LRP1B: variants seen among roughly 807,000 people sequenced by gnomAD.
LRP1B encodes low-density lipoprotein receptor-related protein 1B.
A neutral mutation model predicts 556.6 loss-of-function variants in LRP1B; 217 were observed. The observed-to-expected ratio is 0.39, with a 90% CI of 0.35 to 0.44. LRP1B has a LOEUF of 0.44. Ranked by LOEUF, LRP1B falls within the 20% of genes least tolerant of loss-of-function variation. The pLI is 1.00. For missense variants in LRP1B, 5,053 were observed against 5,620.8 expected, an observed-to-expected ratio of 0.90 and a Z score of 3.23; for synonymous variants, 2,047 against 1,865.8, an observed-to-expected ratio of 1.10 and a Z score of -2.50.
At chr2:140,484,762 C>A (rs1354158283) in intron 59 of LRP1B, among the ~76,000 whole-genome samples, 1 of 152,180 alleles carries the variant, frequency 6.6e-6, no homozygotes, top group Non-Finnish European at 1.5e-5. Flanking sequence ...CATTTGAAAT[C>A]TCCAGCCTGT....
Position 140,524,209 on chromosome 2 carries a change from C to A in LRP1B, c.8026+1635G>T, listed in dbSNP as rs141937286. ...CAAAAGAAGACATAAAAGTGGCCAA[C>A]AAACACATAAAAAAGTGCTCAATAT... On this transcript the variant is annotated intron_variant, in intron 49 of 90. Coordinates refer to ENST00000389484, the MANE Select transcript of LRP1B (RefSeq NM_018557.3). Among the ~76,000 whole-genome samples the A allele has an allele frequency of 1.7e-3, 264 of 151,916 alleles. 3 individuals carry two copies. The highest frequency in any genetic ancestry group is 3.9e-3 in the Admixed American group (59 of 15,212).
chr2:140,488,793 A>G lies in LRP1B; in HGVS notation c.9121-1054T>C, dbSNP rs539211142. 1.1e-4 allele frequency among the ~76,000 whole-genome samples: 17 copies of G among 152,104 alleles called. 1 individual carries two copies. The South Asian group carries it at 3.5e-3, about 32-fold the overall frequency. On this transcript the variant is annotated intron_variant, in intron 57 of 90. Transcript: ENST00000389484. ...CAATATTCACCGTAAAGTTGATGCT[A>G]TGTCTCAAATTGTTTTAGAGGGAAA...
intron 60 of LRP1B, among the ~76,000 whole-genome samples, chr2:140,465,741 A>T (rs555683479): frequency 2.2e-4 from 34 of 152,176 alleles, no homozygotes; most frequent in African/African-American, 7.7e-4. Flanking sequence ...AAAAGAAAAA[A>T]ACTCCCTAAA....
At chr2:140,352,641 G>C (rs1682024697) in intron 76 of LRP1B, among the ~76,000 whole-genome samples, 1 of 151,850 alleles carries the variant, frequency 6.6e-6, no homozygotes, top group South Asian at 2.1e-4. Flanking sequence ...TATTCCCTTA[G>C]AGCAGACCAT....
intron 2 of LRP1B, among the ~76,000 whole-genome samples, chr2:141,539,392 A>G (rs571316750): frequency 3.9e-5 from 6 of 152,094 alleles, no homozygotes; most frequent in Non-Finnish European, 7.4e-5. Flanking sequence ...TCCCACCACT[A>G]CTTTTGCTAT....
chr2:141,120,218 G>A (rs920212908), intron 7 of LRP1B, among the ~76,000 whole-genome samples: 7 of 151,814 alleles, frequency 4.6e-5, no homozygotes, highest in Admixed American at 4.6e-4. Context: ...TGAAATACTT[G>A]CTCTTTGTAA....
At chr2:140,865,377 A>AT (rs1692916992) in intron 27 of LRP1B, among the ~76,000 whole-genome samples, 4 of 151,866 alleles carry the variant, frequency 2.6e-5, no homozygotes, top group African/African-American at 4.8e-5. Flanking sequence ...TAAATTTATT[A>AT]TTTGTTTCAT....
At chr2:140,411,060 T>C (rs992430074) in intron 66 of LRP1B, among the ~76,000 whole-genome samples, 1 of 152,198 alleles carries the variant, frequency 6.6e-6, no homozygotes, top group African/African-American at 2.4e-5. Flanking sequence ...TATTTATTTC[T>C]TCTTTTTCAA....
At chr2:141,865,000 A>C (rs1698360752) in intron 1 of LRP1B, among the ~76,000 whole-genome samples, 1 of 152,214 alleles carries the variant, frequency 6.6e-6, no homozygotes, top group Admixed American at 6.5e-5. Flanking sequence ...CAGTGTTTAT[A>C]GGTCACTTTC....
Position 141,818,321 on chromosome 2 carries a change from C to T in LRP1B, c.83-7920G>A, listed in dbSNP as rs542122106. Among the ~76,000 whole-genome samples the T allele has an allele frequency of 6.6e-5, 10 of 152,178 alleles. No homozygotes were observed. The South Asian group carries it at 2.1e-3, about 32-fold the overall frequency. On this transcript the variant is annotated intron_variant, in intron 1 of 90. Coordinates refer to ENST00000389484, the MANE Select transcript of LRP1B (RefSeq NM_018557.3). ...ATAAAATATCAAGAAGTACCTTAATCCCCTTCCTTTACATTCACCTGCCTC... is the reference window on the plus strand; with the variant it reads ...ATAAAATATCAAGAAGTACCTTAATTCCCTTCCTTTACATTCACCTGCCTC...
At chr2:140,257,106 T>C (rs1410646187) in intron 86 of LRP1B, among the ~76,000 whole-genome samples, 1 of 152,116 alleles carries the variant, frequency 6.6e-6, no homozygotes, top group East Asian at 1.9e-4. Flanking sequence ...CTGGTAAGCA[T>C]ATGAGTCTAA....
intron 2 of LRP1B, among the ~76,000 whole-genome samples, chr2:141,511,221 A>G (rs940548234): frequency 3.9e-5 from 6 of 152,158 alleles, no homozygotes; most frequent in Admixed American, 3.3e-4. Context: ...TATAATTTAT[A>G]TGTCTCTAAT....
intron 31 of LRP1B, among the ~76,000 whole-genome samples, chr2:140,816,931 G>T (rs897264261): frequency 3.9e-5 from 6 of 152,066 alleles, no homozygotes; most frequent in African/African-American, 1.4e-4. Flanking sequence ...TATACATGAT[G>T]CTGGAATAAT....
rs559147422 is a variant in LRP1B, at chr2:140,410,550, C to CA, written c.10415-24542dup. 2.6e-4 allele frequency among the ~76,000 whole-genome samples: 39 copies of CA among 151,710 alleles called. No individual in the cohort carries two copies. In the East Asian group the frequency reaches 7.4e-3, roughly 29 times the overall value. ...GAGACAGCACGCTATGAAAGAAGTC[C>CA]AAAAAAACACTATGCTTGAGCTGAA... On this transcript the variant is annotated intron_variant, in intron 66 of 90. Transcript: ENST00000389484.
rs182354260 is a variant in LRP1B, at chr2:140,314,706, C to G, written c.12805+229G>C. ...GGGCAAATTATCTATAAACACTGAG[C>G]CTGTCACATGGTACATACTCAACCC... On this transcript the variant is annotated intron_variant, in intron 83 of 90. Coordinates refer to ENST00000389484, the MANE Select transcript of LRP1B (RefSeq NM_018557.3). Among the ~76,000 whole-genome samples the G allele has an allele frequency of 1.6e-4, 25 of 152,134 alleles. 1 individual carries two copies. Among genetic ancestry groups the G allele is most frequent in the African/African-American group, 6.0e-4 (25 of 41,538 alleles).
At chr2:141,318,544 T>G (rs1362482983) in intron 3 of LRP1B, among the ~76,000 whole-genome samples, 1 of 152,120 alleles carries the variant, frequency 6.6e-6, no homozygotes, top group Admixed American at 6.6e-5. Context: ...TTCAGTTATC[T>G]CTCATGTGTC....
At chr2:140,308,175 C>T (rs1043086671) in intron 83 of LRP1B, among the ~76,000 whole-genome samples, 1 of 151,774 alleles carries the variant, frequency 6.6e-6, no homozygotes, top group Non-Finnish European at 1.5e-5. Flanking sequence ...CAATAACTTA[C>T]TGCAAACCTG....
chr2:140,830,942 C>A (rs1691692843), intron 31 of LRP1B, among the ~76,000 whole-genome samples: 1 of 151,928 alleles, frequency 6.6e-6, no homozygotes, highest in Non-Finnish European at 1.5e-5. Flanking sequence ...GATTAAGAAA[C>A]AATCCCATAT....
chr2:140,495,772 A>G (rs780586488), intron 55 of LRP1B, 24 bp from the exon 56 acceptor site: 12 of 1,563,654 alleles, frequency 7.7e-6, no homozygotes, highest in African/African-American at 1.3e-5. Context: ...AATGAGCATA[A>G]TCAATTCATA....
Sources: gnomAD v4.1 joint callset for allele counts (sites outside exome capture counted in the v4.1 genomes callset) on GRCh38, gnomAD v4.1.1 for gene constraint, MANE v1.5 for transcripts, NCBI Gene and HGNC (gene_info 2026-07-23, HGNC 2026-07-21) for gene names.